IGFBP1: variants seen among roughly 807,000 people sequenced by gnomAD.
The protein encoded by IGFBP1 is insulin-like growth factor-binding protein 1.
IGFBP1 carries 31 observed loss-of-function variants against 23.1 expected under a neutral mutation model. The ratio of observed to expected loss-of-function variants is 1.34; its 90% CI spans 1.01 to 1.81. The LOEUF (loss-of-function observed/expected upper bound fraction) is 1.81. Among genes scored for constraint, IGFBP1 ranks in the 40% most tolerant of loss-of-function variants. IGFBP1 has a pLI of 0.00. For synonymous variants in IGFBP1, 148 were observed against 145.5 expected, an observed-to-expected ratio of 1.02 and a Z score of -0.13; for missense variants, 333 against 342.2, an observed-to-expected ratio of 0.97 and a Z score of 0.21.
In IGFBP1 at chr7:45,893,011, TG is replaced by T; in HGVS notation, c.702del (p.Trp234Ter). The T allele has an allele frequency of 2.5e-6, 4 of 1,613,216 alleles. No homozygotes were observed. Among genetic ancestry groups the T allele is most frequent in the Non-Finnish European group, 2.5e-6 (3 of 1,179,324 alleles). On this transcript the variant is annotated frameshift_variant, in exon 4 of 4. Coordinates refer to ENST00000275525, the MANE Select transcript of IGFBP1 (RefSeq NM_000596.4). LOFTEE classifies it low-confidence loss of function (END_TRUNC). ...EAGLCWCVYP[W>X]NGKRIPGSPE... ...GGGACTCTGCTGGTGCGTCTACCCT[TG>T]GAATGGGAAGAGGATCCCTGGGTCT...
intron 1 of IGFBP1, among the ~76,000 whole-genome samples, 200 bp downstream of exon 1, chr7:45,889,201 G>T (rs1212285830): frequency 6.6e-6 from 1 of 152,244 alleles, no homozygotes; most frequent in African/African-American, 2.4e-5. Flanking sequence ...GGTCTTGGCA[G>T]GACGTGCTCT....
intron 3 of IGFBP1, among the ~76,000 whole-genome samples, chr7:45,892,548 G>A (rs79533161): frequency 6.6e-6 from 1 of 152,278 alleles, no homozygotes; most frequent in Non-Finnish European, 1.5e-5. Flanking sequence ...ATTTCATATT[G>A]AGGAGTGCTT....
intron 2 of IGFBP1, among the ~76,000 whole-genome samples, chr7:45,891,337 A>G (rs1391369976): frequency 6.6e-6 from 1 of 152,248 alleles, no homozygotes; most frequent in African/African-American, 2.4e-5. Context: ...AAAATAAATT[A>G]CTTCCACAAA....
chr7:45,889,328 G>C (rs1019711072), intron 1 of IGFBP1, among the ~76,000 whole-genome samples: 8 of 152,206 alleles, frequency 5.3e-5, no homozygotes, highest in Non-Finnish European at 1.2e-4. Context: ...CAAGAGTAGA[G>C]GGAGGCGGTG....
At position 45,888,555 on chromosome 7, in the gene IGFBP1, T is replaced by G. The variant is rs1437855229; in HGVS notation, c.-98T>G. On this transcript the variant is annotated 5_prime_UTR_variant, in exon 1 of 4. Coordinates refer to ENST00000275525, the MANE Select transcript of IGFBP1 (RefSeq NM_000596.4). Reference sequence around the variant, plus strand: ...CCGCCGCCACCCTCCCAGAGAGCACTGGCCACCGCTCCACCATCACTTGCC... The same window carrying G: ...CCGCCGCCACCCTCCCAGAGAGCACGGGCCACCGCTCCACCATCACTTGCC... The G allele has an allele frequency of 9.5e-7, 1 of 1,053,094 alleles. No individual in the cohort carries two copies. The highest frequency in any genetic ancestry group is 1.4e-6 in the Non-Finnish European group (1 of 718,884). The allele number at this position is 1,053,094 out of a possible 1,614,324, so 65.2% of individuals were successfully genotyped here. A position where few individuals can be genotyped will look rare whatever the true frequency, so the allele number is the denominator to read the frequency against.
At position 45,888,685 on chromosome 7, in the gene IGFBP1, G is replaced by T. The variant is rs147051230; in HGVS notation, c.33G>T (p.Leu11=). The part of the protein sequence containing the change: MSEVPVARVW[L]VLLLLTVQVG... ...AGGTCCCCGTTGCTCGCGTCTGGCTGGTACTGCTCCTGCTGACTGTCCAGG... is the reference window on the plus strand; with the variant it reads ...AGGTCCCCGTTGCTCGCGTCTGGCTTGTACTGCTCCTGCTGACTGTCCAGG... The change falls in exon 1 of 4, where the codon CTG becomes CTT. Residue 11 remains leucine (L), a synonymous_variant. Coordinates refer to ENST00000275525, the MANE Select transcript of IGFBP1 (RefSeq NM_000596.4). 1.3e-6 allele frequency: 2 copies of T among 1,598,096 alleles called. No individual in the cohort carries two copies. Among genetic ancestry groups the T allele is most frequent in the African/African-American group, 2.7e-5 (2 of 74,878 alleles).
rs937278549 is a variant in IGFBP1 at position 45,889,148 on chromosome 7, G to A, written c.349+147G>A. On this transcript the variant is annotated intron_variant, in intron 1 of 3. Coordinates refer to ENST00000275525, the MANE Select transcript of IGFBP1 (RefSeq NM_000596.4). Reference sequence around the variant, plus strand: ...GAGCTTGAAACCAGAGCACGTAGTTGGGGAAGGAGCTTGGGTCACCCAGTG... The same window carrying A: ...GAGCTTGAAACCAGAGCACGTAGTTAGGGAAGGAGCTTGGGTCACCCAGTG... 2.0e-4 allele frequency: 126 copies of A among 633,838 alleles called. 2 individuals are homozygous for A. The East Asian group carries it at 4.2e-3, about 21-fold the overall frequency. The allele number at this position is 633,838 out of a possible 1,614,324, so 39.3% of individuals were successfully genotyped here.
intron 2 of IGFBP1, among the ~76,000 whole-genome samples, chr7:45,891,555 A>AATT (rs1787080580): frequency 6.6e-6 from 1 of 152,216 alleles, no homozygotes; most frequent in Admixed American, 6.5e-5. Flanking sequence ...CTAAATTCTT[A>AATT]ATTAAGAGTT....
In IGFBP1 at chr7:45,890,737, T is replaced by C; in HGVS notation, c.519+20T>C. 6.3e-7 allele frequency: 1 copy of C among 1,580,594 alleles called. No homozygotes were observed. Among genetic ancestry groups the C allele is most frequent in the African/African-American group, 1.4e-5 (1 of 73,540 alleles). ...TGGAAGGTGAGGCCCAGCAGGTGGG[T>C]GGTGGGAACTCTCCTGTCAGAGGAT... On this transcript the variant is annotated intron_variant, in intron 2 of 3. Transcript: ENST00000275525.
chr7:45,889,021 G>A lies in IGFBP1; in HGVS notation c.349+20G>A. 6.7e-7 allele frequency: 1 copy of A among 1,484,264 alleles called. No individual in the cohort carries two copies. The highest frequency in any genetic ancestry group is 2.2e-5 in the Admixed American group (1 of 44,542). 91.9% of individuals were successfully genotyped at this position (1,484,264 alleles called of 1,614,324 possible). On this transcript the variant is annotated intron_variant, in intron 1 of 3. Coordinates refer to ENST00000275525, the MANE Select transcript of IGFBP1 (RefSeq NM_000596.4). ...CTGCAGGTACCACAGTCCCGCCCCT[G>A]CTCCAGCACCTCCTGCCGCCCGCCC...
chr7:45,893,058 C>A lies in IGFBP1; in HGVS notation c.747C>A (p.Pro249=), dbSNP rs1268704409. 3 of 1,611,478 alleles carry A rather than the reference C, an allele frequency of 1.9e-6. No homozygotes were observed. The highest frequency in any genetic ancestry group is 2.5e-6 in the Non-Finnish European group (3 of 1,177,880). The change falls in exon 4 of 4, where the codon CCC becomes CCA. Residue 249 remains proline, a synonymous_variant. Transcript: ENST00000275525. ...IPGSPEIRGD[P]NCQIYFNVQN The stretch of plus-strand genomic sequence containing the variant: ...GGTCTCCAGAGATCAGGGGAGACCC[C>A]AACTGCCAGATATATTTTAATGTAC...
chr7:45,888,717 T>C lies in IGFBP1; in HGVS notation c.65T>C (p.Val22Ala), dbSNP rs776759256. ...VLLLLTVQVG[V>A]TAGAPWQCAP... Reference sequence around the variant, plus strand: ...CTCCTGCTGACTGTCCAGGTCGGCGTGACAGCCGGCGCTCCGTGGCAGTGC... The same window carrying C: ...CTCCTGCTGACTGTCCAGGTCGGCGCGACAGCCGGCGCTCCGTGGCAGTGC... Residue 22 changes from valine (V) to alanine (A), a missense_variant, in exon 1 of 4, where the codon GTG becomes GCG. Physicochemically the swap from Val to Ala is moderately conservative, Grantham distance 64. Coordinates refer to ENST00000275525, the MANE Select transcript of IGFBP1 (RefSeq NM_000596.4). 3.8e-6 allele frequency: 6 copies of C among 1,596,454 alleles called. No homozygotes were observed. In the African/African-American group the frequency reaches 6.7e-5, roughly 18 times the overall value.
chr7:45,893,392 T>C lies in IGFBP1; in HGVS notation c.*301T>C, dbSNP rs1399767120. The C allele has an allele frequency of 1.3e-5, 2 of 154,152 alleles. No homozygotes were observed. The highest frequency in any genetic ancestry group is 4.8e-5 in the African/African-American group (2 of 41,524). The allele number at this position is 154,152 out of a possible 1,614,324, so 9.5% of individuals were successfully genotyped here. On this transcript the variant is annotated 3_prime_UTR_variant, in exon 4 of 4. Coordinates refer to ENST00000275525, the MANE Select transcript of IGFBP1 (RefSeq NM_000596.4). ...TTTCTGCTCTTCCAAAGCTCCTGCG[T>C]CTGTTTTTAAAGAGCATGGAAAAAT...
intron 3 of IGFBP1, 48 bp downstream of exon 3, chr7:45,892,108 C>T (rs1218513900): frequency 3.1e-6 from 5 of 1,594,046 alleles, no homozygotes; most frequent in Admixed American, 1.7e-5. Context: ...GGGACTACTG[C>T]CCTACATTCC....
intron 3 of IGFBP1, among the ~76,000 whole-genome samples, chr7:45,892,270 GAA>G (rs1390257745): frequency 6.6e-6 from 1 of 152,186 alleles, no homozygotes; most frequent in Non-Finnish European, 1.5e-5. Flanking sequence ...ACCAGAGGTG[GAA>G]AACCTGCGCT....
At chr7:45,891,831 G>A in intron 2 of IGFBP1, 101 bp from the exon 3 acceptor site, 1 of 1,210,232 alleles carries the variant, frequency 8.3e-7, no homozygotes, top group Non-Finnish European at 1.2e-6. Context: ...CCAGATCGTA[G>A]GGCCACTCCT....
At chr7:45,891,899 G>T (rs771885139) in intron 2 of IGFBP1, 33 bp from the exon 3 acceptor site, 24 of 1,594,826 alleles carry the variant, frequency 1.5e-5, no homozygotes, top group Middle Eastern at 1.7e-4. Context: ...ACTGTGTCTT[G>T]TTAGATATGC....
chr7:45,892,365 G>A (rs928698471), intron 3 of IGFBP1, among the ~76,000 whole-genome samples: 12 of 152,202 alleles, frequency 7.9e-5, no homozygotes, highest in Non-Finnish European at 1.3e-4. Flanking sequence ...GCCCCCTAAC[G>A]CTTGGATCTT....
At chr7:45,891,843 C>A in intron 2 of IGFBP1, 89 bp from the exon 3 acceptor site, 1 of 1,364,518 alleles carries the variant, frequency 7.3e-7, no homozygotes, top group Non-Finnish European at 1.0e-6. Context: ...GCCACTCCTG[C>A]TTCTACAAAA....
Sources: allele counts gnomAD v4.1 joint callset (sites outside exome capture counted in the v4.1 genomes callset), GRCh38; gene constraint gnomAD v4.1.1; transcripts MANE v1.5; gene names NCBI Gene and HGNC (gene_info 2026-07-23, HGNC 2026-07-21).